Variants in HMBOX1 observed in about 807,000 individuals in gnomAD.
The protein encoded by HMBOX1 is homeobox containing 1, also known as homeobox-containing protein 1.
Under a neutral mutation model 54.5 loss-of-function variants are expected in HMBOX1, and 14 were observed. The ratio of observed to expected loss-of-function variants is 0.26; its 90% confidence interval spans 0.17 to 0.40. The LOEUF (loss-of-function observed/expected upper bound fraction) is 0.40, where lower values mean the gene tolerates loss of function less well. Ranked by LOEUF, HMBOX1 falls within the 10% of genes least tolerant of loss-of-function variation. The probability of loss-of-function intolerance (pLI) is 1.00; values close to 1 mark genes in which losing one functional copy is unlikely to be tolerated. For synonymous variants in HMBOX1, 160 were observed against 181.0 expected (o/e 0.88, Z 0.93); for missense variants, 332 against 514.4 (o/e 0.65, Z 3.43).
At position 29,026,703 on chromosome 8, in the gene HMBOX1, C is replaced by G. The variant is rs568852298; in HGVS notation, c.851+7790C>G. On this transcript the variant is annotated intron_variant, in intron 6 of 9. Coordinates refer to ENST00000287701, the MANE Select transcript of HMBOX1 (RefSeq NM_001135726.3). Reference sequence around the variant, plus strand: ...TAAGACCACAGAGCTAACAAGTGTCCCAGTCACATGTGGATGTTTAGCCAG... The same window carrying G: ...TAAGACCACAGAGCTAACAAGTGTCGCAGTCACATGTGGATGTTTAGCCAG... Among the ~76,000 whole-genome samples the G allele has an allele frequency of 2.0e-5, 3 of 152,196 alleles. No homozygotes were observed. The East Asian group carries it at 5.8e-4, about 29-fold the overall frequency.
At chr8:29,011,192 T>C (rs1336990240) in intron 5 of HMBOX1, among the ~76,000 whole-genome samples, 1 of 152,216 alleles carries the variant, frequency 6.6e-6, no homozygotes, top group African/African-American at 2.4e-5. Context: ...AAAAATTCTT[T>C]CACTATTGTA....
At chr8:29,028,207 C>G (rs569478495) in intron 6 of HMBOX1, among the ~76,000 whole-genome samples, 1 of 152,224 alleles carries the variant, frequency 6.6e-6, no homozygotes, top group African/African-American at 2.4e-5. Context: ...AAAAGTGTGT[C>G]TTCATGAACA....
chr8:28,973,278 A>T (rs531826520), intron 3 of HMBOX1, among the ~76,000 whole-genome samples: 2 of 152,202 alleles, frequency 1.3e-5, no homozygotes, highest in Non-Finnish European at 2.9e-5. Context: ...GAGAACTTCA[A>T]TATTAAGTGG....
In HMBOX1 at chr8:28,891,978, C is replaced by G. The variant is rs189520827; in HGVS notation, c.-58+1300C>G. ...AGGTACAGAAACCTCTGGCTTCCCT[C>G]TTCCTTCCTTCCTATCCTCCCTCCT... On this transcript the variant is annotated intron_variant, in intron 1 of 9. Transcript: ENST00000287701. Among the ~76,000 whole-genome samples the G allele has an allele frequency of 1.3e-3, 190 of 151,296 alleles. 2 individuals are homozygous for G. Among genetic ancestry groups the G allele is most frequent in the Admixed American group, 5.4e-3 (82 of 15,260 alleles).
chr8:29,020,791 C>T lies in HMBOX1; in HGVS notation c.851+1878C>T, dbSNP rs541610877. ...TATAAAATTCCTATCCTTAGTATGA[C>T]GCATATTTTTTTCCTTGACTGCATG... is the stretch of plus-strand genomic sequence containing the variant. On this transcript the variant is annotated intron_variant, in intron 6 of 9. Coordinates refer to ENST00000287701, the MANE Select transcript of HMBOX1 (RefSeq NM_001135726.3). Among the ~76,000 whole-genome samples, 8 of 152,228 alleles carry T rather than the reference C, an allele frequency of 5.3e-5. No homozygotes were observed. In the South Asian group the frequency reaches 6.2e-4, roughly 12 times the overall value.
At chr8:28,976,273 TA>T (rs1009194989) in intron 3 of HMBOX1, among the ~76,000 whole-genome samples, 17 of 152,030 alleles carry the variant, frequency 1.1e-4, no homozygotes, top group African/African-American at 1.9e-4. Context: ...TTTTACAATT[TA>T]AAAAAAAATT....
chr8:28,941,376 A>C (rs1454686181), intron 1 of HMBOX1, among the ~76,000 whole-genome samples: 1 of 152,122 alleles, frequency 6.6e-6, no homozygotes, highest in South Asian at 2.1e-4. Context: ...TCATTACATA[A>C]TTTTCTACCA....
At chr8:28,965,420 G>A (rs1228631028) in intron 2 of HMBOX1, among the ~76,000 whole-genome samples, 2 of 152,204 alleles carry the variant, frequency 1.3e-5, no homozygotes, top group East Asian at 3.8e-4. Flanking sequence ...GATGGGGAGA[G>A]TAACATAGAC....
intron 1 of HMBOX1, among the ~76,000 whole-genome samples, chr8:28,907,520 A>G (rs2131627612): frequency 6.6e-6 from 1 of 152,332 alleles, no homozygotes; most frequent in Admixed American, 6.5e-5. Context: ...TCTATTATAT[A>G]GTGTACATTA....
At chr8:28,953,747 G>A (rs1823923182) in intron 1 of HMBOX1, among the ~76,000 whole-genome samples, 1 of 152,176 alleles carries the variant, frequency 6.6e-6, no homozygotes, top group Non-Finnish European at 1.5e-5. Flanking sequence ...GGGAGAGGAG[G>A]AGATATAAGA....
intron 7 of HMBOX1, 23 bp from the exon 8 acceptor site, chr8:29,047,335 A>C (rs1805720076): frequency 7.6e-7 from 1 of 1,323,540 alleles, no homozygotes; most frequent in Non-Finnish European, 1.1e-6. Context: ...AGATTATCTG[A>C]ATTTTATTGC....
intron 1 of HMBOX1, among the ~76,000 whole-genome samples, chr8:28,913,302 CATT>C (rs1027969714): frequency 1.3e-5 from 2 of 152,178 alleles, no homozygotes; most frequent in Admixed American, 1.3e-4. Context: ...TTATCTCTAA[CATT>C]ATTACTACTT....
intron 1 of HMBOX1, among the ~76,000 whole-genome samples, chr8:28,941,277 A>G (rs1211043149): frequency 6.6e-6 from 1 of 152,222 alleles, no homozygotes; most frequent in East Asian, 1.9e-4. Context: ...CATCAGTTAG[A>G]TAAATTGAAT....
At chr8:28,922,057 A>C (rs1401207893) in intron 1 of HMBOX1, among the ~76,000 whole-genome samples, 1 of 152,218 alleles carries the variant, frequency 6.6e-6, no homozygotes, top group East Asian at 1.9e-4. Context: ...CTGGAAATAT[A>C]GTTGGTTCTG....
At chr8:29,040,356 A>C (rs1804634256) in intron 6 of HMBOX1, among the ~76,000 whole-genome samples, 1 of 152,184 alleles carries the variant, frequency 6.6e-6, no homozygotes, top group Non-Finnish European at 1.5e-5. Context: ...CTTTATCTTC[A>C]AAAAACTCTT....
At chr8:28,991,247 C>T (rs1187878034) in intron 4 of HMBOX1, among the ~76,000 whole-genome samples, 1 of 152,122 alleles carries the variant, frequency 6.6e-6, no homozygotes, top group African/African-American at 2.4e-5. Flanking sequence ...TAAAGATTGC[C>T]AGCACTTTTC....
chr8:29,014,796 C>T (rs1180340886), intron 5 of HMBOX1, among the ~76,000 whole-genome samples: 8 of 152,092 alleles, frequency 5.3e-5, no homozygotes, highest in Admixed American at 1.3e-4. Context: ...TCTCCTGCCT[C>T]GGCCTCCTGA....
intron 3 of HMBOX1, among the ~76,000 whole-genome samples, chr8:28,977,472 GTGC>G (rs1256121980): frequency 2.6e-5 from 4 of 152,138 alleles, no homozygotes; most frequent in Non-Finnish European, 5.9e-5. Context: ...AATTGAAATA[GTGC>G]TGAAGTTATC....
At chr8:29,027,127 T>TAGGC (rs1008723773) in intron 6 of HMBOX1, among the ~76,000 whole-genome samples, 3 of 152,216 alleles carry the variant, frequency 2.0e-5, no homozygotes, top group Non-Finnish European at 1.5e-5. Context: ...AGCACTAACC[T>TAGGC]AGGCTTACCT....
Sources: gnomAD v4.1 joint callset for allele counts (sites outside exome capture counted in the v4.1 genomes callset) on GRCh38, gnomAD v4.1.1 for gene constraint, MANE v1.5 for transcripts, NCBI Gene and HGNC (gene_info 2026-07-23, HGNC 2026-07-21) for gene names.